The following ANKS1B variants were observed in gnomAD, a reference collection of about 807,000 sequenced individuals.
ANKS1B encodes the protein ankyrin repeat and sterile alpha motif domain-containing protein 1B.
A neutral mutation model predicts 148.3 loss-of-function variants in ANKS1B; 36 were observed. The ratio of observed to expected loss-of-function variants is 0.24; its 90% CI spans 0.19 to 0.32. ANKS1B has a LOEUF of 0.32. Ranked by LOEUF, ANKS1B falls within the 10% of genes least tolerant of loss-of-function variation. The pLI is 1.00. For missense variants in ANKS1B, 1,157 were observed against 1,542.6 expected (o/e 0.75, Z 4.19); for synonymous variants, 542 against 560.8 (o/e 0.97, Z 0.47).
chr12:99,694,131 A>C (rs917728982), intron 8 of ANKS1B, among the ~76,000 whole-genome samples: 1 of 150,142 alleles, frequency 6.7e-6, no homozygotes, highest in African/African-American at 2.4e-5. Context: ...TTTCTATAAA[A>C]GCATTAGAAT....
chr12:99,550,560 G>A (rs2097208550), intron 9 of ANKS1B, among the ~76,000 whole-genome samples: 1 of 151,252 alleles, frequency 6.6e-6, no homozygotes, highest in Non-Finnish European at 1.5e-5. Context: ...GGAGGTGGAG[G>A]TTGCAGTTAG....
intron 17 of ANKS1B, chr12:98,976,477 G>A (rs892606004): frequency 3.7e-4 from 56 of 152,270 alleles, no homozygotes; most frequent in African/African-American, 1.3e-3. Flanking sequence ...CTACACAGAG[G>A]TTTCTGAGTC....
intron 12 of ANKS1B, among the ~76,000 whole-genome samples, chr12:99,250,001 CT>C (rs2074365980): frequency 6.6e-6 from 1 of 152,188 alleles, no homozygotes; most frequent in African/African-American, 2.4e-5. Context: ...AAGATAGACG[CT>C]CTACTCATTG....
intron 8 of ANKS1B, among the ~76,000 whole-genome samples, chr12:99,672,329 T>C (rs2098541896): frequency 6.6e-6 from 1 of 152,156 alleles, no homozygotes; most frequent in Admixed American, 6.6e-5. Flanking sequence ...ACTAATTTCA[T>C]CTTCAAGAAA....
At chr12:99,300,172 T>C (rs562793099) in intron 12 of ANKS1B, among the ~76,000 whole-genome samples, 2 of 152,226 alleles carry the variant, frequency 1.3e-5, no homozygotes, top group South Asian at 2.1e-4. Flanking sequence ...AGGAGTAAAA[T>C]TGGAAATCTA....
chr12:99,780,713 G>T (rs1482838612), intron 5 of ANKS1B, among the ~76,000 whole-genome samples: 1 of 152,144 alleles, frequency 6.6e-6, no homozygotes, highest in Non-Finnish European at 1.5e-5. Context: ...GTACAATATG[G>T]TAAAAATATT....
At chr12:99,679,772 T>C (rs2098603620) in intron 8 of ANKS1B, among the ~76,000 whole-genome samples, 1 of 152,148 alleles carries the variant, frequency 6.6e-6, no homozygotes, top group Non-Finnish European at 1.5e-5. Context: ...AGAAAATAAC[T>C]GTTAAAAATA....
chr12:99,236,185 A>C (rs1180871570), intron 14 of ANKS1B, among the ~76,000 whole-genome samples: 2 of 152,246 alleles, frequency 1.3e-5, no homozygotes, highest in African/African-American at 4.8e-5. Flanking sequence ...GTTTTGCTTC[A>C]GTACAAAACT....
At chr12:99,106,520 G>A (rs570553724) in intron 15 of ANKS1B, among the ~76,000 whole-genome samples, 2 of 152,310 alleles carry the variant, frequency 1.3e-5, no homozygotes, top group South Asian at 4.1e-4. Context: ...AATAATATGT[G>A]TGATAAAGTT....
chr12:99,262,766 G>A lies in ANKS1B; in HGVS notation c.1757-15902C>T, dbSNP rs191508226. Among the ~76,000 whole-genome samples the A allele has an allele frequency of 7.4e-3, 1,122 of 151,898 alleles. 14 individuals are homozygous for A. Among genetic ancestry groups the A allele is most frequent in the African/African-American group, 0.026 (1,058 of 41,428 alleles). ...CTAAAAAATTGAGACATGTTTATTTGTATCATATCAATCCTTGAAATATTC... is the reference window on the plus strand; with the variant it reads ...CTAAAAAATTGAGACATGTTTATTTATATCATATCAATCCTTGAAATATTC... On this transcript the variant is annotated intron_variant, in intron 12 of 26. Coordinates refer to ENST00000683438, the MANE Select transcript of ANKS1B (RefSeq NM_001352186.2).
intron 14 of ANKS1B, among the ~76,000 whole-genome samples, chr12:99,160,256 T>C (rs2076511910): frequency 6.6e-6 from 1 of 152,140 alleles, no homozygotes; most frequent in Non-Finnish European, 1.5e-5. Context: ...ATTTTTGTTT[T>C]TGTTGCAATT....
intron 8 of ANKS1B, among the ~76,000 whole-genome samples, chr12:99,689,909 G>A (rs2098669781): frequency 6.6e-6 from 1 of 152,116 alleles, no homozygotes; most frequent in Non-Finnish European, 1.5e-5. Context: ...ATGTACAGAG[G>A]ACCTGTTATT....
intron 1 of ANKS1B, among the ~76,000 whole-genome samples, chr12:99,827,682 C>T (rs2083384722): frequency 1.3e-5 from 2 of 152,090 alleles, no homozygotes; most frequent in Admixed American, 1.3e-4. Flanking sequence ...TTTTTAAATA[C>T]CACAATGACA....
In ANKS1B at chr12:99,085,318, C is replaced by T. The variant is rs1041429853; in HGVS notation, c.2527-295G>A. ...AAACTTTGTTTCTGCACATTGTGCA[C>T]ATGTACCCTAAAACTTAAAGTATAA... On this transcript the variant is annotated intron_variant, in intron 15 of 26. Coordinates refer to ENST00000683438, the MANE Select transcript of ANKS1B (RefSeq NM_001352186.2). Among the ~76,000 whole-genome samples, 5 of 150,956 alleles carry T rather than the reference C, an allele frequency of 3.3e-5. No individual in the cohort carries two copies. In the South Asian group the frequency reaches 8.4e-4, roughly 25 times the overall value.
chr12:98,978,809 A>C (rs2099902954), intron 17 of ANKS1B, among the ~76,000 whole-genome samples: 1 of 152,180 alleles, frequency 6.6e-6, no homozygotes, highest in Non-Finnish European at 1.5e-5. Flanking sequence ...ATATAATAAT[A>C]ACATATTTTT....
chr12:99,042,024 A>G (rs1568514101), intron 17 of ANKS1B, among the ~76,000 whole-genome samples: 1 of 149,772 alleles, frequency 6.7e-6, no homozygotes, highest in Non-Finnish European at 1.5e-5. Flanking sequence ...AAAACAAAAC[A>G]AAACAAAATA....
intron 9 of ANKS1B, among the ~76,000 whole-genome samples, chr12:99,635,049 A>T (rs959702093): frequency 5.9e-5 from 9 of 152,206 alleles, no homozygotes; most frequent in African/African-American, 2.2e-4. Context: ...GCAAATCAAA[A>T]CCACAAAGAG....
intron 12 of ANKS1B, among the ~76,000 whole-genome samples, chr12:99,352,313 G>A (rs1460893978): frequency 1.3e-5 from 2 of 152,104 alleles, no homozygotes; most frequent in Non-Finnish European, 2.9e-5. Flanking sequence ...ACAAGTGAAT[G>A]TGTACGTTCT....
At chr12:99,203,096 C>G (rs1195669549) in intron 14 of ANKS1B, among the ~76,000 whole-genome samples, 2 of 152,220 alleles carry the variant, frequency 1.3e-5, no homozygotes, top group Non-Finnish European at 2.9e-5. Context: ...AATGTGAATA[C>G]TTACAGGCAT....
Sources: allele counts gnomAD v4.1 joint callset (sites outside exome capture counted in the v4.1 genomes callset), GRCh38; gene constraint gnomAD v4.1.1; transcripts MANE v1.5; gene names NCBI Gene and HGNC (gene_info 2026-07-23, HGNC 2026-07-21).